Variants in AP3D1 observed in about 807,000 individuals in gnomAD.
AP3D1 encodes AP-3 complex subunit delta-1.
Under a neutral mutation model 147.6 loss-of-function variants are expected in AP3D1, and 51 were observed. The observed-to-expected ratio is 0.35, with a 90% CI of 0.28 to 0.44. The LOEUF (loss-of-function observed/expected upper bound fraction) is 0.44, where lower values mean the gene tolerates loss of function less well. Among genes scored for constraint, AP3D1 ranks in the 20% least tolerant of loss-of-function variants. AP3D1 has a pLI of 1.00. For synonymous variants in AP3D1, 760 were observed against 663.0 expected, an observed-to-expected ratio of 1.15 and a Z score of -2.25; for missense variants, 1,421 against 1,624.2, an observed-to-expected ratio of 0.87 and a Z score of 2.15.
Position 2,109,177 on chromosome 19 carries a change from C to T in AP3D1, c.3381G>A (p.Gly1127=), listed in dbSNP as rs2018195351. 3 of 1,606,942 alleles carry T rather than the reference C, an allele frequency of 1.9e-6. No homozygotes were observed. Among genetic ancestry groups the T allele is most frequent in the Non-Finnish European group, 2.5e-6 (3 of 1,177,406 alleles). The change falls in exon 30 of 32, where the codon GGG becomes GGA. Residue 1127 remains glycine, a synonymous_variant. Coordinates refer to ENST00000643116, the MANE Select transcript of AP3D1 (RefSeq NM_001261826.3). ...CTTTGATTGAGCTCATGCTCAAGTCCCCAGACTCCAGCAACTTAGCAAAGG... is the reference window on the plus strand; with the variant it reads ...CTTTGATTGAGCTCATGCTCAAGTCTCCAGACTCCAGCAACTTAGCAAAGG... ...SDAFAKLLES[G]DLSMSSIKVD... is the part of the protein sequence containing the mutation.
chr19:2,127,077 C>G (rs1270804606), intron 9 of AP3D1, 75 bp downstream of exon 9: 2 of 1,499,212 alleles, frequency 1.3e-6, no homozygotes, highest in Non-Finnish European at 1.9e-6. Flanking sequence ...CCAGGCCTGG[C>G]GCCCTCCTGT....
At chr19:2,149,484 G>C (rs541686933) in intron 1 of AP3D1, among the ~76,000 whole-genome samples, 7 of 151,708 alleles carry the variant, frequency 4.6e-5, no homozygotes, top group Middle Eastern at 3.4e-3. Context: ...TGAAGGTTGT[G>C]GTGAGCCAAG....
At chr19:2,162,751 G>C (rs1211340107) in intron 1 of AP3D1, among the ~76,000 whole-genome samples, 1 of 152,014 alleles carries the variant, frequency 6.6e-6, no homozygotes, top group Non-Finnish European at 1.5e-5. Context: ...ATCACCAGGG[G>C]CTGTGGCAGT....
chr19:2,150,367 G>A (rs568567216), intron 1 of AP3D1, among the ~76,000 whole-genome samples: 1 of 152,334 alleles, frequency 6.6e-6, no homozygotes, highest in South Asian at 2.1e-4. Flanking sequence ...AGCCAGACAC[G>A]TGGTGGCCAC....
At chr19:2,147,411 C>CCTTT (rs532773327) in intron 1 of AP3D1, among the ~76,000 whole-genome samples, 1 of 134,914 alleles carries the variant, frequency 7.4e-6, no homozygotes, top group Non-Finnish European at 1.6e-5. Flanking sequence ...TATATCTTTT[C>CCTTT]CTTTCTTTTT....
rs1201395660 is a variant in AP3D1 at position 2,114,125 on chromosome 19, C to T, written c.2601G>A (p.Lys867=). The change falls in exon 22 of 32, where the codon AAG becomes AAA. Residue 867 remains lysine (K), a splice_region_variant and synonymous_variant. Transcript: ENST00000643116. ...DKEKKKEKEK[K]AEDLDFWLST... ...CCGCCGCCCTGGGCACTAGCCTTAC[C>T]TTCTTCTCCTTCTCCTTCTTCTTCT... 97 of 1,499,696 alleles carry T rather than the reference C, an allele frequency of 6.5e-5. No individual in the cohort carries two copies. The highest frequency in any genetic ancestry group is 8.4e-5 in the Non-Finnish European group (92 of 1,100,888). The allele number at this position is 1,499,696 out of a possible 1,614,324, so 92.9% of individuals were successfully genotyped here. A position where few individuals can be genotyped will look rare whatever the true frequency, so the allele number is the denominator to read the frequency against.
intron 1 of AP3D1, chr19:2,164,165 C>G: frequency 1.8e-6 from 2 of 1,108,250 alleles, no homozygotes; most frequent in Non-Finnish European, 1.1e-6. Context: ...TAGCATGGTG[C>G]GGCGGCCGCG....
chr19:2,112,763 C>G, intron 24 of AP3D1, 97 bp downstream of exon 24: 1 of 918,274 alleles, frequency 1.1e-6, no homozygotes, highest in East Asian at 2.6e-5. Context: ...AGCAGGGCTG[C>G]CCTGGGACCT....
upstream of AP3D1, among the ~76,000 whole-genome samples, chr19:2,154,905 C>CG (rs1431178145): frequency 6.6e-6 from 1 of 152,198 alleles, no homozygotes; most frequent in African/African-American, 2.4e-5. Flanking sequence ...GGAGGCCAGG[C>CG]GGGGCGGCCA....
At chr19:2,149,758 G>C (rs2019456463) in intron 1 of AP3D1, among the ~76,000 whole-genome samples, 1 of 152,174 alleles carries the variant, frequency 6.6e-6, no homozygotes, top group Non-Finnish European at 1.5e-5. Context: ...CAGGGTCCCA[G>C]AACAGGCTGC....
chr19:2,153,040 T>C (rs1313638307), upstream of AP3D1, among the ~76,000 whole-genome samples: 6 of 136,746 alleles, frequency 4.4e-5, no homozygotes, highest in East Asian at 2.1e-4. Context: ...TAGAGCAATA[T>C]AGTCAGACAC....
At chr19:2,131,978 A>T (rs150719395) in intron 5 of AP3D1, among the ~76,000 whole-genome samples, 144 of 152,374 alleles carry the variant, frequency 9.5e-4, no homozygotes, top group Admixed American at 1.2e-3. Flanking sequence ...GAAAAGGAAC[A>T]AAGGTCCCCT....
chr19:2,149,834 C>T (rs1184024550), intron 1 of AP3D1, among the ~76,000 whole-genome samples: 2 of 152,230 alleles, frequency 1.3e-5, no homozygotes, highest in African/African-American at 4.8e-5. Context: ...AGAAAAAGTC[C>T]TCTCGGGAAG....
At position 2,109,893 on chromosome 19, in the gene AP3D1, C is replaced by G; in HGVS notation, c.3330G>C (p.Leu1110Phe). The change falls in exon 29 of 32, where the codon TTG becomes TTC. Residue 1110 changes from leucine to phenylalanine, a missense_variant. Physicochemically the swap from Leu to Phe is conservative, Grantham distance 22. Coordinates refer to ENST00000643116, the MANE Select transcript of AP3D1 (RefSeq NM_001261826.3). ...CCCACCTGTAGCAGGGAGTGGTGATCAAGTAGGAGCTGCAGCTGAAGTGCA... is the reference window on the plus strand; with the variant it reads ...CCCACCTGTAGCAGGGAGTGGTGATGAAGTAGGAGCTGCAGCTGAAGTGCA... ...FRLHFSCSSYLITTPCYSDAF... is the reference protein window; with the variant it reads ...FRLHFSCSSYFITTPCYSDAF... The G allele has an allele frequency of 6.2e-7, 1 of 1,613,520 alleles. No individual in the cohort carries two copies. Among genetic ancestry groups the G allele is most frequent in the Non-Finnish European group, 8.5e-7 (1 of 1,179,946 alleles).
chr19:2,109,375 A>AAATG, intron 29 of AP3D1, 168 bp from the exon 30 acceptor site: 1 of 867,162 alleles, frequency 1.2e-6, no homozygotes, highest in Non-Finnish European at 1.7e-6. Context: ...TCATGTGCGG[A>AAATG]AGCCGTCACA....
At chr19:2,154,099 C>A (rs1171515948), upstream of AP3D1, among the ~76,000 whole-genome samples, 1 of 151,944 alleles carries the variant, frequency 6.6e-6, no homozygotes, top group South Asian at 2.1e-4. Context: ...AGCTGCCCAC[C>A]ACCACCTCCA....
chr19:2,112,034 CG>C, intron 24 of AP3D1: 3 of 756,668 alleles, frequency 4.0e-6, no homozygotes, highest in Non-Finnish European at 6.2e-6. Context: ...CTCTGGTTGG[CG>C]GCAAGCGCCA....
chr19:2,132,382 C>G, intron 5 of AP3D1, 89 bp downstream of exon 5: 1 of 1,249,310 alleles, frequency 8.0e-7, no homozygotes, highest in Non-Finnish European at 1.1e-6. Context: ...GGCCGGTTTC[C>G]GCATAGCCAA....
At chr19:2,143,400 C>T (rs1463488718) in intron 1 of AP3D1, among the ~76,000 whole-genome samples, 1 of 151,908 alleles carries the variant, frequency 6.6e-6, no homozygotes, top group Non-Finnish European at 1.5e-5. Context: ...GCGACCATGC[C>T]TGGCTAATTT....
Sources: allele counts gnomAD v4.1 joint callset (sites outside exome capture counted in the v4.1 genomes callset), GRCh38; gene constraint gnomAD v4.1.1; transcripts MANE v1.5; gene names NCBI Gene and HGNC (gene_info 2026-07-23, HGNC 2026-07-21).